ENTREP2: variants seen among roughly 807,000 people sequenced by gnomAD.
The protein encoded by ENTREP2 is protein ENTREP2.
the ENTREP2 span, among the ~76,000 whole-genome samples, chr15:29,511,622 C>G: frequency 2.0e-5 from 3 of 151,764 alleles, no homozygotes; most frequent in Non-Finnish European, 2.9e-5. Context: ...CCACCACACC[C>G]GACTGAGAGT....
the ENTREP2 span, chr15:29,124,638 C>T: frequency 3.3e-6 from 5 of 1,493,336 alleles, no homozygotes; most frequent in South Asian, 4.8e-5. Flanking sequence ...ACACCCGCCC[C>T]ACCTCCCAGC....
chr15:29,593,966 A>G, the ENTREP2 span, among the ~76,000 whole-genome samples: 3 of 152,132 alleles, frequency 2.0e-5, no homozygotes, highest in African/African-American at 7.2e-5. Flanking sequence ...TATCAATGTT[A>G]ATGTCTCAGT....
chr15:29,598,664 G>A, the ENTREP2 span, among the ~76,000 whole-genome samples: 2 of 151,818 alleles, frequency 1.3e-5, no homozygotes, highest in Non-Finnish European at 2.9e-5. Flanking sequence ...TTCATCCATT[G>A]TTGAAGTGAC....
At chr15:29,444,990 A>G in the ENTREP2 span, among the ~76,000 whole-genome samples, 6 of 152,362 alleles carry the variant, frequency 3.9e-5, no homozygotes, top group Admixed American at 2.6e-4. Flanking sequence ...CAGGGCTGCC[A>G]GCCCAATACT....
the ENTREP2 span, among the ~76,000 whole-genome samples, chr15:29,355,053 G>A: frequency 2.0e-5 from 3 of 152,054 alleles, no homozygotes; most frequent in Non-Finnish European, 4.4e-5. Flanking sequence ...CCTCTCTGCT[G>A]GAAAGGACCA....
At chr15:29,413,825 CA>C in the ENTREP2 span, among the ~76,000 whole-genome samples, 3 of 151,512 alleles carry the variant, frequency 2.0e-5, no homozygotes, top group Non-Finnish European at 4.4e-5. Context: ...AAATGGAAAA[CA>C]AAAAAAGGCA....
chr15:29,549,602 G>C, the ENTREP2 span, among the ~76,000 whole-genome samples: 2 of 152,112 alleles, frequency 1.3e-5, no homozygotes, highest in Admixed American at 1.3e-4. Flanking sequence ...CATAATTCAA[G>C]AGTTCACAGA....
chr15:29,223,653 G>A, the ENTREP2 span, among the ~76,000 whole-genome samples: 5 of 152,086 alleles, frequency 3.3e-5, no homozygotes, highest in African/African-American at 9.7e-5. Context: ...AGACACTAAA[G>A]CCCTGCTAAA....
chr15:29,412,517 T>C, the ENTREP2 span, among the ~76,000 whole-genome samples: 1 of 152,278 alleles, frequency 6.6e-6, no homozygotes, highest in East Asian at 1.9e-4. Flanking sequence ...TCATTAAGAA[T>C]AAAACAGTTC....
chr15:29,514,954 G>A, the ENTREP2 span, among the ~76,000 whole-genome samples: 1 of 152,180 alleles, frequency 6.6e-6, no homozygotes, highest in East Asian at 1.9e-4. Flanking sequence ...TGTCACCCAT[G>A]CTCCCAAGGG....
the ENTREP2 span, chr15:29,234,105 T>C: frequency 1.3e-6 from 2 of 1,511,276 alleles, no homozygotes; most frequent in South Asian, 1.1e-5. Flanking sequence ...ATATCAGACA[T>C]TCTCTGCATC....
At chr15:29,269,154 C>T in the ENTREP2 span, 7 of 1,614,108 alleles carry the variant, frequency 4.3e-6, no homozygotes, top group South Asian at 5.5e-5. Flanking sequence ...TAAAGATGAG[C>T]CCTAAGACGA....
the ENTREP2 span, among the ~76,000 whole-genome samples, chr15:29,451,690 C>T: frequency 4.6e-5 from 7 of 152,156 alleles, no homozygotes; most frequent in Non-Finnish European, 1.0e-4. Context: ...CAGCGAAGCC[C>T]CCTCCCCACC....
the ENTREP2 span, among the ~76,000 whole-genome samples, chr15:29,449,769 T>G: frequency 1.3e-5 from 2 of 152,224 alleles, no homozygotes; most frequent in Non-Finnish European, 2.9e-5. Flanking sequence ...ATGGTTTTAA[T>G]TAGACAAACA....
At chr15:29,432,854 C>T in the ENTREP2 span, among the ~76,000 whole-genome samples, 1 of 152,122 alleles carries the variant, frequency 6.6e-6, no homozygotes, top group Non-Finnish European at 1.5e-5. Flanking sequence ...TTGGCCGGCT[C>T]CACTGCTGGT....
At chr15:29,321,008 TTAA>T in the ENTREP2 span, among the ~76,000 whole-genome samples, 1 of 152,178 alleles carries the variant, frequency 6.6e-6, no homozygotes, top group African/African-American at 2.4e-5. Context: ...CAAATGTAAT[TTAA>T]TAATGATAAA....
the ENTREP2 span, among the ~76,000 whole-genome samples, chr15:29,223,009 T>C: frequency 3.9e-5 from 6 of 152,180 alleles, no homozygotes; most frequent in Admixed American, 6.5e-5. Flanking sequence ...AAAACATGAA[T>C]ACAGCACTGG....
the ENTREP2 span, among the ~76,000 whole-genome samples, chr15:29,519,720 G>A: frequency 6.6e-6 from 1 of 152,204 alleles, no homozygotes; most frequent in Middle Eastern, 3.2e-3. Flanking sequence ...CTGTGAGGGA[G>A]GTTGGGTCCC....
the ENTREP2 span, among the ~76,000 whole-genome samples, chr15:29,566,916 T>C: frequency 6.6e-6 from 1 of 151,314 alleles, no homozygotes; most frequent in African/African-American, 2.4e-5. Context: ...CCAACATATG[T>C]AACTGGTAAT....
Sources: allele counts gnomAD v4.1 joint callset (sites outside exome capture counted in the v4.1 genomes callset), GRCh38; gene constraint gnomAD v4.1.1; transcripts MANE v1.5; gene names NCBI Gene and HGNC (gene_info 2026-07-23, HGNC 2026-07-21).